PYDC1: variants seen among roughly 807,000 people sequenced by gnomAD.
PYDC1 encodes pyrin domain-containing protein 1.
In PYDC1, 1 loss-of-function variant was observed where a neutral mutation model predicts 0.7. The observed-to-expected ratio is 1.39, with a 90% CI of 0.49 to 6.61. The LOEUF is 6.61. Ranked by LOEUF, PYDC1 falls within the 30% of genes most tolerant of loss-of-function variation. The pLI is 0.14. For missense variants in PYDC1, 129 were observed against 124.8 expected (o/e 1.03, Z -0.16); for synonymous variants, 37 against 60.9 (o/e 0.61, Z 1.83).
chr16:31,216,668 A>C lies in PYDC1; in HGVS notation c.*16+75T>G. 2 of 1,444,184 alleles carry C rather than the reference A, an allele frequency of 1.4e-6. No individual in the cohort carries two copies. The highest frequency in any genetic ancestry group is 1.9e-6 in the Non-Finnish European group (2 of 1,066,704). 89.5% of individuals were successfully genotyped at this position (1,444,184 alleles called of 1,614,324 possible). A position where few individuals can be genotyped will look rare whatever the true frequency, so the allele number is the denominator to read the frequency against. Reference sequence around the variant, plus strand: ...CCAGGAGGGACCCTGAAGGAGGGGAACAGGAAGGCTCTGGGCGGGACCTGA... The same window carrying C: ...CCAGGAGGGACCCTGAAGGAGGGGACCAGGAAGGCTCTGGGCGGGACCTGA... On this transcript the variant is annotated intron_variant, in intron 1 of 1. Transcript: ENST00000302964. This position sits in a 1 kb window ranked among gnomAD's most constrained non-coding sequence, Gnocchi z 6.7.
Position 31,216,671 on chromosome 16 carries a change from G to A in PYDC1, c.*16+72C>T. 6.8e-7 allele frequency: 1 copy of A among 1,472,944 alleles called. No individual in the cohort carries two copies. The highest frequency in any genetic ancestry group is 9.2e-7 in the Non-Finnish European group (1 of 1,090,514). 91.2% of individuals were successfully genotyped at this position (1,472,944 alleles called of 1,614,324 possible). A position where few individuals can be genotyped will look rare whatever the true frequency, so the allele number is the denominator to read the frequency against. On this transcript the variant is annotated intron_variant, in intron 1 of 1. Transcript: ENST00000302964. The surrounding 1 kb of genome is among the most constrained non-coding windows in gnomAD (Gnocchi z 6.7). ...GGAGGGACCCTGAAGGAGGGGAACAGGAAGGCTCTGGGCGGGACCTGACGC... is the reference window on the plus strand; with the variant it reads ...GGAGGGACCCTGAAGGAGGGGAACAAGAAGGCTCTGGGCGGGACCTGACGC...
Position 31,216,842 on chromosome 16 carries a change from C to T in PYDC1, c.187G>A (p.Asp63Asn). Residue 63 changes from aspartate (D) to asparagine (N), a missense_variant, in exon 1 of 2, where the codon GAC (aspartate) becomes AAC (asparagine). Coordinates refer to ENST00000302964, the MANE Select transcript of PYDC1 (RefSeq NM_152901.4). This position sits in a 1 kb window ranked among gnomAD's most constrained non-coding sequence, Gnocchi z 6.7. ...TDKLVASYYEDYAAELVVAVL... is the reference protein window; with the variant it reads ...TDKLVASYYENYAAELVVAVL... ...GCCACGACGAGCTCGGCTGCGTAGT[C>T]CTCGTAGTAGGAGGCGACCAGCTTG... 1.9e-6 allele frequency: 3 copies of T among 1,613,794 alleles called. No individual in the cohort carries two copies. Among genetic ancestry groups the T allele is most frequent in the African/African-American group, 2.7e-5 (2 of 75,074 alleles).
At position 31,217,125 on chromosome 16, in the gene PYDC1, GGAA is replaced by G. The variant is rs2079513985; in HGVS notation, c.-100_-98del. The G allele has an allele frequency of 2.3e-6, 3 of 1,316,452 alleles. 1 individual carries two copies. In the South Asian group the frequency reaches 4.2e-5, roughly 18 times the overall value. 81.5% of individuals were successfully genotyped at this position (1,316,452 alleles called of 1,614,324 possible). On this transcript the variant is annotated 5_prime_UTR_variant, in exon 1 of 2. Transcript: ENST00000302964. ...AGCTGCCGCCCCCGGGGATGTCCCGGGAAGGAGACTGATCTGGCAGCTCCTATT... is the reference window on the plus strand; with the variant it reads ...AGCTGCCGCCCCCGGGGATGTCCCGGGGAGACTGATCTGGCAGCTCCTATT...
At position 31,216,539 on chromosome 16, in the gene PYDC1, G is replaced by A. The variant is rs1299887459; in HGVS notation, c.*16+204C>T. Among the ~76,000 whole-genome samples, 1 of 152,238 alleles carries A rather than the reference G, an allele frequency of 6.6e-6. No homozygotes were observed. Among genetic ancestry groups the A allele is most frequent in the African/African-American group, 2.4e-5 (1 of 41,466 alleles). ...AACGGAACAGGGCCCAGGCAGCCCA[G>A]GAGCCTGGAAGGGGGCAGTGGGGCG... On this transcript the variant is annotated intron_variant, in intron 1 of 1. Transcript: ENST00000302964. This position sits in a 1 kb window ranked among gnomAD's most constrained non-coding sequence, Gnocchi z 6.7.
chr16:31,217,072 C>G lies in PYDC1; in HGVS notation c.-44G>C. ...TGAGCCTCCGAGGGCCTGGAGCCAT[C>G]AGGTCCTACCTTTCCTGCAGCAGGT... is the stretch of plus-strand genomic sequence containing the variant. On this transcript the variant is annotated 5_prime_UTR_variant, in exon 1 of 2. Coordinates refer to ENST00000302964, the MANE Select transcript of PYDC1 (RefSeq NM_152901.4). 6.4e-7 allele frequency: 1 copy of G among 1,570,778 alleles called. No homozygotes were observed. Among genetic ancestry groups the G allele is most frequent in the Non-Finnish European group, 8.7e-7 (1 of 1,152,028 alleles).
chr16:31,216,564 G>T lies in PYDC1; in HGVS notation c.*16+179C>A, dbSNP rs532227022. 6.6e-6 allele frequency among the ~76,000 whole-genome samples: 1 copy of T among 152,310 alleles called. No homozygotes were observed. The highest frequency in any genetic ancestry group is 2.1e-4 in the South Asian group (1 of 4,832). ...GGAGCCTGGAAGGGGGCAGTGGGGC[G>T]AGATGCAGCCCACCAGGGTTCGCGG... On this transcript the variant is annotated intron_variant, in intron 1 of 1. Coordinates refer to ENST00000302964, the MANE Select transcript of PYDC1 (RefSeq NM_152901.4). This position sits in a 1 kb window ranked among gnomAD's most constrained non-coding sequence, Gnocchi z 6.7.
In PYDC1 at chr16:31,216,799, C is replaced by T. The variant is rs1012320148; in HGVS notation, c.230G>A (p.Arg77His). Residue 77 changes from arginine (R) to histidine (H), a missense_variant, in exon 1 of 2, where the codon CGC (arginine) becomes CAC (histidine). Physicochemically the swap from Arg to His is conservative, Grantham distance 29. Transcript: ENST00000302964. The surrounding 1 kb of genome is among the most constrained non-coding windows in gnomAD (Gnocchi z 6.7). ...ELVVAVLRDM[R>H]MLEEAARLQR... is the part of the protein sequence containing the mutation. ...CAGCCGTGCGGCCTCCTCCAACATG[C>T]GCATGTCGCGCAGCACGGCCACGAC... The T allele has an allele frequency of 1.2e-6, 2 of 1,611,034 alleles. No individual in the cohort carries two copies. The highest frequency in any genetic ancestry group is 1.7e-6 in the Non-Finnish European group (2 of 1,177,946).
Position 31,216,971 on chromosome 16 carries a change from G to A in PYDC1, c.58C>T (p.Leu20Phe), listed in dbSNP as rs2079512581. ...KVLENLTPEE[L>F]KKFKMKLGTV... ...CCCAGCTTCATCTTGAACTTCTTGA[G>A]CTCCTCCGGTGTCAGGTTCTCCAGC... The change falls in exon 1 of 2, where the codon CTC becomes TTC. Residue 20 changes from leucine to phenylalanine, a missense_variant. Leu to Phe is a conservative substitution (Grantham distance 22). Coordinates refer to ENST00000302964, the MANE Select transcript of PYDC1 (RefSeq NM_152901.4). The surrounding 1 kb of genome is among the most constrained non-coding windows in gnomAD (Gnocchi z 6.7). 1 of 1,614,026 alleles carries A rather than the reference G, an allele frequency of 6.2e-7. No individual in the cohort carries two copies. Among genetic ancestry groups the A allele is most frequent in the African/African-American group, 1.3e-5 (1 of 74,952 alleles).
chr16:31,216,491 C>A lies in PYDC1; in HGVS notation c.*16+252G>T. 3 of 413,834 alleles carry A rather than the reference C, an allele frequency of 7.2e-6. No individual in the cohort carries two copies. Among genetic ancestry groups the A allele is most frequent in the Non-Finnish European group, 1.3e-5 (3 of 234,566 alleles). The allele number at this position is 413,834 out of a possible 1,614,324, so 25.6% of individuals were successfully genotyped here. A position where few individuals can be genotyped will look rare whatever the true frequency, so the allele number is the denominator to read the frequency against. On this transcript the variant is annotated intron_variant, in intron 1 of 1. Transcript: ENST00000302964. The surrounding 1 kb of genome is among the most constrained non-coding windows in gnomAD (Gnocchi z 6.7). ...GCCCAACCTTGCCCGTCTTTATCTG[C>A]GAAGAAAGCACAGAACCCATGAAAC...
chr16:31,216,617 G>C lies in PYDC1; in HGVS notation c.*16+126C>G. 9.9e-7 allele frequency: 1 copy of C among 1,009,752 alleles called. No homozygotes were observed. The highest frequency in any genetic ancestry group is 1.4e-6 in the Non-Finnish European group (1 of 695,356). The allele number at this position is 1,009,752 out of a possible 1,614,324, so 62.5% of individuals were successfully genotyped here. On this transcript the variant is annotated intron_variant, in intron 1 of 1. Transcript: ENST00000302964. This position sits in a 1 kb window ranked among gnomAD's most constrained non-coding sequence, Gnocchi z 6.7. ...GCCCAGCCCTTCGCCCCCGGGAGGG[G>C]CTGGCCGGAGGTCTGAGGGAGGACC...
At position 31,216,670 on chromosome 16, in the gene PYDC1, A is replaced by G; in HGVS notation, c.*16+73T>C. ...AGGAGGGACCCTGAAGGAGGGGAACAGGAAGGCTCTGGGCGGGACCTGACG... is the reference window on the plus strand; with the variant it reads ...AGGAGGGACCCTGAAGGAGGGGAACGGGAAGGCTCTGGGCGGGACCTGACG... On this transcript the variant is annotated intron_variant, in intron 1 of 1. Coordinates refer to ENST00000302964, the MANE Select transcript of PYDC1 (RefSeq NM_152901.4). This position sits in a 1 kb window ranked among gnomAD's most constrained non-coding sequence, Gnocchi z 6.7. 6.8e-7 allele frequency: 1 copy of G among 1,467,258 alleles called. No individual in the cohort carries two copies. Among genetic ancestry groups the G allele is most frequent in the Non-Finnish European group, 9.2e-7 (1 of 1,086,618 alleles). The allele number at this position is 1,467,258 out of a possible 1,614,324, so 90.9% of individuals were successfully genotyped here. A position where few individuals can be genotyped will look rare whatever the true frequency, so the allele number is the denominator to read the frequency against.
At position 31,216,859 on chromosome 16, in the gene PYDC1, A is replaced by G; in HGVS notation, c.170T>C (p.Val57Ala). Residue 57 changes from valine to alanine, a missense_variant, in exon 1 of 2, where the codon GTC becomes GCC. By Grantham distance (64) the Val-to-Ala change is moderately conservative. Transcript: ENST00000302964. This position sits in a 1 kb window ranked among gnomAD's most constrained non-coding sequence, Gnocchi z 6.7. ...LDIVDLTDKLVASYYEDYAAE... is the reference protein window; with the variant it reads ...LDIVDLTDKLAASYYEDYAAE... ...TGCGTAGTCCTCGTAGTAGGAGGCGACCAGCTTGTCGGTGAGGTCCACGAT... is the reference window on the plus strand; with the variant it reads ...TGCGTAGTCCTCGTAGTAGGAGGCGGCCAGCTTGTCGGTGAGGTCCACGAT... 1 of 1,613,808 alleles carries G rather than the reference A, an allele frequency of 6.2e-7. No homozygotes were observed. Among genetic ancestry groups the G allele is most frequent in the Non-Finnish European group, 8.5e-7 (1 of 1,179,950 alleles).
At position 31,216,845 on chromosome 16, in the gene PYDC1, C is replaced by T. The variant is rs1283699650; in HGVS notation, c.184G>A (p.Glu62Lys). The change falls in exon 1 of 2, where the codon GAG becomes AAG. Residue 62 changes from glutamate to lysine, a missense_variant. Glu to Lys is a moderately conservative substitution (Grantham distance 56, BLOSUM62 1). Coordinates refer to ENST00000302964, the MANE Select transcript of PYDC1 (RefSeq NM_152901.4). This position sits in a 1 kb window ranked among gnomAD's most constrained non-coding sequence, Gnocchi z 6.7. ...LTDKLVASYY[E>K]DYAAELVVAV... ...ACGACGAGCTCGGCTGCGTAGTCCT[C>T]GTAGTAGGAGGCGACCAGCTTGTCG... 2.5e-6 allele frequency: 4 copies of T among 1,613,798 alleles called. No homozygotes were observed. The highest frequency in any genetic ancestry group is 2.5e-6 in the Non-Finnish European group (3 of 1,179,964).
rs2079510112 is a variant in PYDC1, at chr16:31,216,651, G to C, written c.*16+92C>G. ...AGGTCTGAGGGAGGACCCCAGGAGGGACCCTGAAGGAGGGGAACAGGAAGG... is the reference window on the plus strand; with the variant it reads ...AGGTCTGAGGGAGGACCCCAGGAGGCACCCTGAAGGAGGGGAACAGGAAGG... On this transcript the variant is annotated intron_variant, in intron 1 of 1. Coordinates refer to ENST00000302964, the MANE Select transcript of PYDC1 (RefSeq NM_152901.4). The surrounding 1 kb of genome is among the most constrained non-coding windows in gnomAD (Gnocchi z 6.7). 2 of 1,351,970 alleles carry C rather than the reference G, an allele frequency of 1.5e-6. No individual in the cohort carries two copies. Among genetic ancestry groups the C allele is most frequent in the Non-Finnish European group, 2.0e-6 (2 of 990,476 alleles). 83.7% of individuals were successfully genotyped at this position (1,351,970 alleles called of 1,614,324 possible).
Position 31,217,073 on chromosome 16 carries a change from AG to A in PYDC1, c.-46del. ...GAGCCTCCGAGGGCCTGGAGCCATC[AG>A]GTCCTACCTTTCCTGCAGCAGGTGG... is the stretch of plus-strand genomic sequence containing the variant. On this transcript the variant is annotated 5_prime_UTR_variant, in exon 1 of 2. Transcript: ENST00000302964. The A allele has an allele frequency of 6.4e-7, 1 of 1,571,206 alleles. No homozygotes were observed. The highest frequency in any genetic ancestry group is 8.7e-7 in the Non-Finnish European group (1 of 1,152,236).
In PYDC1 at chr16:31,216,781, G is replaced by A; in HGVS notation, c.248C>T (p.Ala83Val). ...LRDMRMLEEA[A>V]RLQRAA is the part of the protein sequence containing the mutation. ...CCCTCACGCAGCCCGCTGCAGCCGT[G>A]CGGCCTCCTCCAACATGCGCATGTC... The change falls in exon 1 of 2, where the codon GCA becomes GTA. Residue 83 changes from alanine (A) to valine (V), a missense_variant. Transcript: ENST00000302964. This position sits in a 1 kb window ranked among gnomAD's most constrained non-coding sequence, Gnocchi z 6.7. 6.2e-7 allele frequency: 1 copy of A among 1,604,866 alleles called. No homozygotes were observed.
rs2079508785 is a variant in PYDC1, at chr16:31,216,432, AC to A, written c.*17-276del. ...AAATCTTGCTGCCGCTAAAAAAAAA[AC>A]AAAAAACAAACAAACAAAAAAAACC... On this transcript the variant is annotated intron_variant, in intron 1 of 1. Transcript: ENST00000302964. This position sits in a 1 kb window ranked among gnomAD's most constrained non-coding sequence, Gnocchi z 6.7. The A allele has an allele frequency of 2.1e-4, 73 of 339,872 alleles. No individual in the cohort carries two copies. Among genetic ancestry groups the A allele is most frequent in the Non-Finnish European group, 3.4e-4 (64 of 186,674 alleles). 21.1% of individuals were successfully genotyped at this position (339,872 alleles called of 1,614,324 possible).
In PYDC1 at chr16:31,216,969, G is replaced by C. The variant is rs750358061; in HGVS notation, c.60C>G (p.Leu20=). The C allele has an allele frequency of 2.4e-5, 38 of 1,614,030 alleles. No individual in the cohort carries two copies. The South Asian group carries it at 3.3e-4, about 14-fold the overall frequency. ...KVLENLTPEE[L]KKFKMKLGTV... ...TCCCCAGCTTCATCTTGAACTTCTTGAGCTCCTCCGGTGTCAGGTTCTCCA... is the reference window on the plus strand; with the variant it reads ...TCCCCAGCTTCATCTTGAACTTCTTCAGCTCCTCCGGTGTCAGGTTCTCCA... The change falls in exon 1 of 2, where the codon CTC becomes CTG. Residue 20 remains leucine (L), a synonymous_variant. Transcript: ENST00000302964. This position sits in a 1 kb window ranked among gnomAD's most constrained non-coding sequence, Gnocchi z 6.7.
In PYDC1 at chr16:31,216,433, C is replaced by CA; in HGVS notation, c.*17-277dup. On this transcript the variant is annotated intron_variant, in intron 1 of 1. Coordinates refer to ENST00000302964, the MANE Select transcript of PYDC1 (RefSeq NM_152901.4). The surrounding 1 kb of genome is among the most constrained non-coding windows in gnomAD (Gnocchi z 6.7). ...AATCTTGCTGCCGCTAAAAAAAAAA[C>CA]AAAAAACAAACAAACAAAAAAAACC... The CA allele has an allele frequency of 3.0e-6, 1 of 333,118 alleles. No homozygotes were observed. The highest frequency in any genetic ancestry group is 5.5e-6 in the Non-Finnish European group (1 of 182,978). The allele number at this position is 333,118 out of a possible 1,614,324, so 20.6% of individuals were successfully genotyped here. A position where few individuals can be genotyped will look rare whatever the true frequency, so the allele number is the denominator to read the frequency against.
Sources: gnomAD v4.1 joint callset for allele counts (sites outside exome capture counted in the v4.1 genomes callset) on GRCh38, gnomAD v4.1.1 for gene constraint, Gnocchi (gnomAD v3.1) non-coding constraint, MANE v1.5 for transcripts, NCBI Gene and HGNC (gene_info 2026-07-23, HGNC 2026-07-21) for gene names.